CALN1: variants seen among roughly 807,000 people sequenced by gnomAD.
CALN1 encodes the protein calcium-binding protein 8.
CALN1 carries 17 observed loss-of-function variants against 30.6 expected under a neutral mutation model. That is an observed-to-expected ratio of 0.56 (90% CI 0.38 to 0.83). CALN1 has a LOEUF of 0.83. CALN1 is among the 40% of genes least tolerant of loss of function. The pLI, the probability that CALN1 is intolerant of heterozygous loss-of-function variation, is 0.00. For missense variants in CALN1, 291 were observed against 354.9 expected, an observed-to-expected ratio of 0.82 and a Z score of 1.45; for synonymous variants, 156 against 131.4, an observed-to-expected ratio of 1.19 and a Z score of -1.28.
intron 2 of CALN1, among the ~76,000 whole-genome samples, chr7:72,372,210 A>G (rs887037941): frequency 4.6e-5 from 7 of 152,116 alleles, no homozygotes; most frequent in African/African-American, 7.2e-5. Context: ...CAAATAATTC[A>G]TAACAGCAGA....
intron 5 of CALN1, among the ~76,000 whole-genome samples, chr7:71,965,026 T>C (rs1331243731): frequency 1.3e-5 from 2 of 151,588 alleles, no homozygotes; most frequent in African/African-American, 4.8e-5. Context: ...TCACGTTTTA[T>C]TTTTAACTTT....
chr7:72,220,474 G>A (rs1474578411), intron 3 of CALN1, among the ~76,000 whole-genome samples: 5 of 151,482 alleles, frequency 3.3e-5, no homozygotes, highest in Non-Finnish European at 7.4e-5. Context: ...CCAAGTCTTT[G>A]CTATTGTGAA....
rs59664699 is a variant in CALN1 at position 72,046,709 on chromosome 7, T to TAA, written c.389-22942_389-22941dup. Among the ~76,000 whole-genome samples, 272 of 51,824 alleles carry TAA rather than the reference T, an allele frequency of 5.2e-3. 4 individuals are homozygous for TAA. The highest frequency in any genetic ancestry group is 0.015 in the African/African-American group (229 of 14,826). The allele number at this position is 51,824 out of a possible 152,430, so 34.0% of individuals were successfully genotyped here. A position where few individuals can be genotyped will look rare whatever the true frequency, so the allele number is the denominator to read the frequency against. On this transcript the variant is annotated intron_variant, in intron 4 of 6. Coordinates refer to ENST00000395275, the MANE Select transcript of CALN1 (RefSeq NM_031468.4). ...TGGGCAACAGAGCGAGACTCCCTCT[T>TAA]AAAAAAAAAAAAAAAAAAAAAAAAA...
intron 2 of CALN1, among the ~76,000 whole-genome samples, chr7:72,288,753 A>G (rs1798270728): frequency 1.3e-5 from 2 of 152,054 alleles, no homozygotes. Context: ...ATCTTTATGT[A>G]TTGGATTGTT....
At chr7:72,475,149 G>A in the CALN1 span, among the ~76,000 whole-genome samples, 4 of 152,106 alleles carry the variant, frequency 2.6e-5, no homozygotes, top group Admixed American at 6.6e-5. Flanking sequence ...CAAAGATAAC[G>A]TTATCCCATT....
intron 3 of CALN1, among the ~76,000 whole-genome samples, chr7:72,260,704 TA>T (rs1279733599): frequency 2.0e-5 from 3 of 152,096 alleles, no homozygotes; most frequent in Non-Finnish European, 2.9e-5. Flanking sequence ...TGCACTTGGC[TA>T]TCTGAGGAGC....
At chr7:72,205,587 T>TATATATATATATATATATATATATA (rs1791815805) in intron 3 of CALN1, among the ~76,000 whole-genome samples, 1 of 133,560 alleles carries the variant, frequency 7.5e-6, no homozygotes, top group Non-Finnish European at 1.5e-5. Context: ...TATATATATA[T>TATATATATATATATATATATATATA]TCAGGAGAAA....
the CALN1 span, among the ~76,000 whole-genome samples, chr7:72,491,316 T>G: frequency 2.6e-4 from 40 of 151,744 alleles, no homozygotes; most frequent in Non-Finnish European, 2.1e-4. Context: ...TGTCTGTAAT[T>G]CTAGCACTTT....
chr7:71,809,653 C>T (rs1024824002), intron 6 of CALN1, among the ~76,000 whole-genome samples: 2 of 151,954 alleles, frequency 1.3e-5, no homozygotes, highest in Non-Finnish European at 2.9e-5. Context: ...AATCCTTTAG[C>T]TTCTCAGGAA....
chr7:72,380,805 G>T (rs991409647), intron 2 of CALN1, among the ~76,000 whole-genome samples: 1 of 152,118 alleles, frequency 6.6e-6, no homozygotes, highest in Non-Finnish European at 1.5e-5. Flanking sequence ...TAAAGCCATG[G>T]CACTCCAGTC....
chr7:72,093,092 G>A (rs844721), intron 4 of CALN1, among the ~76,000 whole-genome samples: 1,533 of 151,986 alleles, frequency 0.01, 23 homozygotes, highest in African/African-American at 0.035. Flanking sequence ...CCTGCAAAGG[G>A]GAAAAAAATG....
the CALN1 span, among the ~76,000 whole-genome samples, chr7:72,454,587 G>A: frequency 5.9e-4 from 90 of 152,330 alleles, no homozygotes; most frequent in African/African-American, 2.0e-3. Context: ...TTGGCAGAAA[G>A]GCAAAAGCCC....
At chr7:72,284,479 T>C (rs1797945139) in intron 2 of CALN1, among the ~76,000 whole-genome samples, 1 of 150,888 alleles carries the variant, frequency 6.6e-6, no homozygotes, top group Non-Finnish European at 1.5e-5. Flanking sequence ...AACTTTTGAA[T>C]TGGTAGTCTG....
chr7:72,061,746 A>C (rs1803661990), intron 4 of CALN1, among the ~76,000 whole-genome samples: 2 of 149,658 alleles, frequency 1.3e-5, no homozygotes, highest in Admixed American at 6.7e-5. Flanking sequence ...AACTTTCTAA[A>C]TTTCTCAATA....
At chr7:72,175,256 G>A (rs1789267489) in intron 3 of CALN1, among the ~76,000 whole-genome samples, 1 of 152,062 alleles carries the variant, frequency 6.6e-6, no homozygotes, top group Admixed American at 6.6e-5. Flanking sequence ...TGTATTTTTA[G>A]TAGAGACAGG....
At chr7:72,346,592 T>A (rs1380539848) in intron 2 of CALN1, among the ~76,000 whole-genome samples, 1 of 152,148 alleles carries the variant, frequency 6.6e-6, no homozygotes, top group East Asian at 1.9e-4. Flanking sequence ...CTCGGCTCAC[T>A]GCAACCTCCA....
At chr7:71,963,918 G>A (rs989311184) in intron 5 of CALN1, among the ~76,000 whole-genome samples, 1 of 152,174 alleles carries the variant, frequency 6.6e-6, no homozygotes, top group Admixed American at 6.5e-5. Flanking sequence ...GACCTATGAA[G>A]TTTGGCTGAG....
intron 3 of CALN1, among the ~76,000 whole-genome samples, chr7:72,146,476 A>G (rs2129543808): frequency 6.6e-6 from 1 of 152,322 alleles, no homozygotes; most frequent in East Asian, 1.9e-4. Flanking sequence ...GAGGATACAA[A>G]TAAATGGAAG....
At chr7:72,375,147 G>T (rs1804482419) in intron 2 of CALN1, among the ~76,000 whole-genome samples, 1 of 152,122 alleles carries the variant, frequency 6.6e-6, no homozygotes, top group African/African-American at 2.4e-5. Flanking sequence ...AACACGCATT[G>T]TCTTGTAGTT....
Sources: allele counts gnomAD v4.1 joint callset (sites outside exome capture counted in the v4.1 genomes callset), GRCh38; gene constraint gnomAD v4.1.1; transcripts MANE v1.5; gene names NCBI Gene and HGNC (gene_info 2026-07-23, HGNC 2026-07-21).